TSPAN18: variants seen among roughly 807,000 people sequenced by gnomAD.
The protein encoded by TSPAN18 is tetraspanin-18.
A neutral mutation model predicts 27.3 loss-of-function variants in TSPAN18; 14 were observed. The observed-to-expected ratio is 0.51, with a 90% CI of 0.34 to 0.80. TSPAN18 has a LOEUF of 0.80. Among genes scored for constraint, TSPAN18 ranks in the 30% least tolerant of loss-of-function variants. TSPAN18 has a pLI of 0.01. For missense variants in TSPAN18, 268 were observed against 323.9 expected, an observed-to-expected ratio of 0.83 and a Z score of 1.32; for synonymous variants, 143 against 136.5, an observed-to-expected ratio of 1.05 and a Z score of -0.33.
At chr11:44,786,960 C>G (rs1233162467) in intron 2 of TSPAN18, among the ~76,000 whole-genome samples, 1 of 152,164 alleles carries the variant, frequency 6.6e-6, no homozygotes, top group African/African-American at 2.4e-5. Context: ...AACCCTTGCT[C>G]CATTTTCCTC....
chr11:44,784,377 A>C (rs949830952), intron 2 of TSPAN18, among the ~76,000 whole-genome samples: 6 of 152,096 alleles, frequency 3.9e-5, no homozygotes, highest in Non-Finnish European at 8.8e-5. Flanking sequence ...CTCTGTTTTC[A>C]GCTCATGGTC....
At chr11:44,898,490 A>T (rs1416203365) in intron 3 of TSPAN18, among the ~76,000 whole-genome samples, 1 of 152,236 alleles carries the variant, frequency 6.6e-6, no homozygotes, top group African/African-American at 2.4e-5. Context: ...CCTTTGTCTT[A>T]GTGTGTTTTC....
At chr11:44,821,594 A>G (rs184030516) in intron 2 of TSPAN18, among the ~76,000 whole-genome samples, 60 of 152,260 alleles carry the variant, frequency 3.9e-4, no homozygotes, top group Admixed American at 8.5e-4. Context: ...CTCATCAGCT[A>G]TGTTATTTTA....
chr11:44,758,243 T>C (rs1291848352), intron 1 of TSPAN18, among the ~76,000 whole-genome samples: 3 of 152,242 alleles, frequency 2.0e-5, no homozygotes, highest in African/African-American at 7.2e-5. Context: ...TATTTTTAGT[T>C]GAATGTTTTC....
intron 3 of TSPAN18, among the ~76,000 whole-genome samples, chr11:44,871,958 G>A (rs1051127890): frequency 6.6e-6 from 1 of 151,964 alleles, no homozygotes; most frequent in Non-Finnish European, 1.5e-5. Context: ...GAGTCTCGCT[G>A]TGTCACCCAG....
chr11:44,845,801 A>G (rs1307159641), intron 2 of TSPAN18, among the ~76,000 whole-genome samples: 1 of 152,232 alleles, frequency 6.6e-6, no homozygotes, highest in African/African-American at 2.4e-5. Flanking sequence ...TCTCCAGGGC[A>G]CACAGTTGAC....
At chr11:44,856,939 T>TAG (rs1475556972) in intron 2 of TSPAN18, among the ~76,000 whole-genome samples, 2 of 152,208 alleles carry the variant, frequency 1.3e-5, no homozygotes, top group African/African-American at 2.4e-5. Context: ...CCATAAAACT[T>TAG]ACCTGTCCTG....
intron 2 of TSPAN18, among the ~76,000 whole-genome samples, chr11:44,851,618 C>CCCA (rs1554991776): frequency 6.8e-6 from 1 of 147,516 alleles, no homozygotes; most frequent in African/African-American, 2.5e-5. Flanking sequence ...TGTCACCTCC[C>CCCA]CCCCCCAACG....
intron 2 of TSPAN18, among the ~76,000 whole-genome samples, chr11:44,782,148 G>A (rs1855952533): frequency 6.6e-6 from 1 of 152,174 alleles, no homozygotes; most frequent in South Asian, 2.1e-4. Flanking sequence ...AGCTGCTATG[G>A]ACATTTGAGT....
intron 2 of TSPAN18, among the ~76,000 whole-genome samples, chr11:44,781,472 T>C (rs1210273606): frequency 6.6e-6 from 1 of 152,222 alleles, no homozygotes; most frequent in Non-Finnish European, 1.5e-5. Context: ...TGTGTCTGTG[T>C]TGCTCTAGAG....
chr11:44,777,932 G>C (rs776540744), intron 2 of TSPAN18, among the ~76,000 whole-genome samples: 2 of 152,138 alleles, frequency 1.3e-5, no homozygotes, highest in African/African-American at 2.4e-5. Flanking sequence ...CGGGGCTCTG[G>C]GGCAAGCTGG....
At chr11:44,739,214 A>T (rs769179278) in intron 1 of TSPAN18, among the ~76,000 whole-genome samples, 1 of 152,174 alleles carries the variant, frequency 6.6e-6, no homozygotes, top group Non-Finnish European at 1.5e-5. Flanking sequence ...AGGCTGCAAC[A>T]GGGTGGGAAG....
intron 1 of TSPAN18, among the ~76,000 whole-genome samples, chr11:44,730,014 C>T (rs1854613847): frequency 6.6e-6 from 1 of 152,190 alleles, no homozygotes; most frequent in Admixed American, 6.5e-5. Flanking sequence ...TATCTTGCAA[C>T]TTAGAGCAGG....
At chr11:44,921,277 A>G (rs1478090804) in intron 8 of TSPAN18, among the ~76,000 whole-genome samples, 1 of 152,168 alleles carries the variant, frequency 6.6e-6, no homozygotes, top group Admixed American at 6.5e-5. Context: ...TCAGGCTTCC[A>G]TGGCAGGCAG....
At chr11:44,855,034 G>A (rs77483471) in intron 2 of TSPAN18, among the ~76,000 whole-genome samples, 1,705 of 152,264 alleles carry the variant, frequency 0.011, 36 homozygotes, top group African/African-American at 0.038. Context: ...TTATTTTTCA[G>A]ACAGAGAAAT....
At chr11:44,727,779 C>G (rs1269047410) in intron 1 of TSPAN18, among the ~76,000 whole-genome samples, 8 of 152,150 alleles carry the variant, frequency 5.3e-5, no homozygotes, top group Non-Finnish European at 8.8e-5. Context: ...CCTTTGGGGT[C>G]CCTGGCAGCG....
intron 3 of TSPAN18, among the ~76,000 whole-genome samples, chr11:44,896,241 A>G (rs1590647658): frequency 6.6e-6 from 1 of 152,114 alleles, no homozygotes; most frequent in Admixed American, 6.5e-5. Flanking sequence ...ATTCATTGTG[A>G]TCACACAGGA....
chr11:44,760,671 G>T (rs1000276573), intron 1 of TSPAN18, among the ~76,000 whole-genome samples: 3 of 152,178 alleles, frequency 2.0e-5, no homozygotes, highest in African/African-American at 7.2e-5. Context: ...CCCCTAGTTT[G>T]GAAGAAAGAA....
chr11:44,906,072 G>A (rs995921428), intron 3 of TSPAN18, among the ~76,000 whole-genome samples: 5 of 152,234 alleles, frequency 3.3e-5, no homozygotes, highest in African/African-American at 4.8e-5. Context: ...CCACGTGCCC[G>A]ACGATGTGCT....
Sources: gnomAD v4.1 joint callset for allele counts (sites outside exome capture counted in the v4.1 genomes callset) on GRCh38, gnomAD v4.1.1 for gene constraint, MANE v1.5 for transcripts, NCBI Gene and HGNC (gene_info 2026-07-23, HGNC 2026-07-21) for gene names.